The following PSMA7 variants were observed in gnomAD, a reference collection of about 807,000 sequenced individuals.
PSMA7 encodes the protein proteasome subunit alpha type-7.
Under a neutral mutation model 31.3 loss-of-function variants are expected in PSMA7, and 5 were observed. The observed-to-expected ratio is 0.16, with a 90% CI of 0.08 to 0.34. The LOEUF (loss-of-function observed/expected upper bound fraction) is 0.34. Among genes scored for constraint, PSMA7 ranks in the 10% least tolerant of loss-of-function variants. The pLI, the probability that PSMA7 is intolerant of heterozygous loss-of-function variation, is 1.00. For missense variants in PSMA7, 217 were observed against 327.5 expected, an observed-to-expected ratio of 0.66 and a Z score of 2.60; for synonymous variants, 155 against 121.9, an observed-to-expected ratio of 1.27 and a Z score of -1.79.
At position 62,136,800 on chromosome 20, in the gene PSMA7, G is replaced by T; in HGVS notation, c.*57C>A. 6.4e-7 allele frequency: 1 copy of T among 1,556,846 alleles called. No homozygotes were observed. Among genetic ancestry groups the T allele is most frequent in the South Asian group, 1.2e-5 (1 of 83,414 alleles). The stretch of plus-strand genomic sequence containing the variant: ...AATGGAATGGAAAGGCCTACACATC[G>T]AGACTCATCCATGATTGATATGAAT... On this transcript the variant is annotated 3_prime_UTR_variant, in exon 7 of 7. Coordinates refer to ENST00000370873, the MANE Select transcript of PSMA7 (RefSeq NM_002792.4).
intron 1 of PSMA7, among the ~76,000 whole-genome samples, chr20:62,141,431 A>T (rs2056926909): frequency 6.6e-6 from 1 of 152,218 alleles, no homozygotes; most frequent in Non-Finnish European, 1.5e-5. Context: ...TGTGGCTGGC[A>T]CCACATCCTG....
Position 62,136,958 on chromosome 20 carries a change from A to G in PSMA7, c.655-9T>C. The stretch of plus-strand genomic sequence containing the variant: ...TCTTCAGGATTTAAAATCTATAGAA[A>G]AAAACTTCATGGTTACCTAAGCCAC... On this transcript the variant is annotated splice_polypyrimidine_tract_variant and intron_variant, in intron 6 of 6. Transcript: ENST00000370873. The G allele has an allele frequency of 6.3e-7, 1 of 1,596,410 alleles. No homozygotes were observed.
Position 62,136,744 on chromosome 20 carries a change from G to A in PSMA7, c.*113C>T. 24 of 1,409,828 alleles carry A rather than the reference G, an allele frequency of 1.7e-5. 1 individual carries two copies. The South Asian group carries it at 3.3e-4, about 20-fold the overall frequency. The allele number at this position is 1,409,828 out of a possible 1,614,324, so 87.3% of individuals were successfully genotyped here. Reference sequence around the variant, plus strand: ...AAAAAAAAAACAGGTTAAAAATACGGAAGTTTATTGTAGGACACTCAGTGT... The same window carrying A: ...AAAAAAAAAACAGGTTAAAAATACGAAAGTTTATTGTAGGACACTCAGTGT... On this transcript the variant is annotated 3_prime_UTR_variant, in exon 7 of 7. Coordinates refer to ENST00000370873, the MANE Select transcript of PSMA7 (RefSeq NM_002792.4).
intron 1 of PSMA7, among the ~76,000 whole-genome samples, chr20:62,142,855 G>A (rs1568728288): frequency 6.6e-6 from 1 of 151,580 alleles, no homozygotes; most frequent in South Asian, 2.1e-4. Flanking sequence ...GCCCTCGCCC[G>A]GCCTCTGCTC....
In PSMA7 at chr20:62,136,860, T is replaced by G; in HGVS notation, c.744A>C (p.Ser248=). The change falls in exon 7 of 7, where the codon TCA becomes TCC. Residue 248 remains serine, a synonymous_variant. Coordinates refer to ENST00000370873, the MANE Select transcript of PSMA7 (RefSeq NM_002792.4). ...ACAAGCAAAGACATTTTATTCATCATGATGCTTTCTTTTGTTTCTTCTTTT... is the reference window on the plus strand; with the variant it reads ...ACAAGCAAAGACATTTTATTCATCAGGATGCTTTCTTTTGTTTCTTCTTTT... ...ENEKKKQKKA[S] 1 of 1,598,226 alleles carries G rather than the reference T, an allele frequency of 6.3e-7. No individual in the cohort carries two copies. The highest frequency in any genetic ancestry group is 8.5e-7 in the Non-Finnish European group (1 of 1,175,028).
At chr20:62,140,785 G>C (rs1287247348) in intron 2 of PSMA7, 33 bp downstream of exon 2, 4 of 1,611,144 alleles carry the variant, frequency 2.5e-6, no homozygotes, top group South Asian at 1.1e-5. Flanking sequence ...TGAGACTCTA[G>C]AGAGTAAGAC....
At chr20:62,137,511 G>A in intron 5 of PSMA7, 85 bp from the exon 6 acceptor site, 2 of 1,304,484 alleles carry the variant, frequency 1.5e-6, no homozygotes, top group Non-Finnish European at 1.1e-6. Context: ...AAATAGGTGT[G>A]TACCCAAACC....
intron 4 of PSMA7, among the ~76,000 whole-genome samples, chr20:62,138,537 G>A (rs941672060): frequency 4.7e-5 from 7 of 149,752 alleles, no homozygotes; most frequent in Admixed American, 4.0e-4. Context: ...GCGCTATCAA[G>A]AGGCAATGGG....
intron 1 of PSMA7, among the ~76,000 whole-genome samples, chr20:62,141,200 G>A (rs1229298362): frequency 2.0e-5 from 3 of 152,230 alleles, no homozygotes; most frequent in Non-Finnish European, 2.9e-5. Flanking sequence ...CTGGAAGGTG[G>A]AGGCTGCAGT....
At chr20:62,139,268 T>G (rs533259103) in intron 3 of PSMA7, 71 bp from the exon 4 acceptor site, 2 of 1,555,356 alleles carry the variant, frequency 1.3e-6, no homozygotes, top group South Asian at 2.3e-5. Context: ...CCGTACTTAG[T>G]GAAGATACGA....
chr20:62,139,345 G>A (rs2056913623), intron 3 of PSMA7, 148 bp from the exon 4 acceptor site: 9 of 1,004,448 alleles, frequency 9.0e-6, no homozygotes, highest in Non-Finnish European at 1.3e-5. Context: ...TTAGCCAATA[G>A]CTTTCAACAT....
intron 1 of PSMA7, among the ~76,000 whole-genome samples, chr20:62,141,860 T>A (rs567274061): frequency 2.6e-5 from 4 of 152,328 alleles, no homozygotes; most frequent in African/African-American, 9.6e-5. Context: ...TCACTGACAG[T>A]CAACCCGAGT....
chr20:62,138,316 G>A (rs749191043), intron 4 of PSMA7, 26 bp from the exon 5 acceptor site: 48 of 1,577,292 alleles, frequency 3.0e-5, no homozygotes, highest in Non-Finnish European at 3.7e-5. Context: ...ATGTTCTCAC[G>A]TGGCATAGGG....
chr20:62,139,933 TAGAGAG>T (rs1280932239), intron 2 of PSMA7, 28 bp from the exon 3 acceptor site: 2 of 1,608,328 alleles, frequency 1.2e-6, no homozygotes, highest in East Asian at 4.5e-5. Flanking sequence ...AGGCTTCTGC[TAGAGAG>T]ACAGCACAAA....
intron 1 of PSMA7, 143 bp downstream of exon 1, chr20:62,143,065 A>G: frequency 3.6e-6 from 1 of 274,514 alleles, no homozygotes; most frequent in Non-Finnish European, 5.6e-6. Context: ...GCCCGCGCTC[A>G]GCTACAGCCC....
rs2056918042 is a variant in PSMA7 at position 62,140,017 on chromosome 20, A to G, written c.224-112T>C. The G allele has an allele frequency of 1.2e-5, 17 of 1,377,828 alleles. No homozygotes were observed. In the South Asian group the frequency reaches 2.1e-4, roughly 17 times the overall value. The allele number at this position is 1,377,828 out of a possible 1,614,324, so 85.4% of individuals were successfully genotyped here. ...CCACAGACCCCCCAAACCGGCAGCA[A>G]GGCTATTCTAACTGACTGGCAGCGG... On this transcript the variant is annotated intron_variant, in intron 2 of 6. Coordinates refer to ENST00000370873, the MANE Select transcript of PSMA7 (RefSeq NM_002792.4).
Position 62,139,376 on chromosome 20 carries a change from C to G in PSMA7, c.349-179G>C, listed in dbSNP as rs2296089. ...AACATCCTTTTCTGCATTTTCACTC[C>G]TAGAAAAACTCACCTAGGACCAGAA... On this transcript the variant is annotated intron_variant, in intron 3 of 6. Transcript: ENST00000370873. 156 of 834,490 alleles carry G rather than the reference C, an allele frequency of 1.9e-4. No individual in the cohort carries two copies. The East Asian group carries it at 4.1e-3, about 22-fold the overall frequency. The allele number at this position is 834,490 out of a possible 1,614,324, so 51.7% of individuals were successfully genotyped here.
intron 4 of PSMA7, 124 bp downstream of exon 4, chr20:62,138,951 G>C: frequency 7.8e-7 from 1 of 1,275,036 alleles, no homozygotes; most frequent in Admixed American, 2.2e-5. Context: ...GCTCTCATAG[G>C]ACTAGGTTAA....
In PSMA7 at chr20:62,137,656, C is replaced by T. The variant is rs547443236; in HGVS notation, c.592-230G>A. ...CCAGCACTGGGACTCCTCTCTCCTGCACAGTAGCGCTGCTCCAGGCCCTCC... is the reference window on the plus strand; with the variant it reads ...CCAGCACTGGGACTCCTCTCTCCTGTACAGTAGCGCTGCTCCAGGCCCTCC... On this transcript the variant is annotated intron_variant, in intron 5 of 6. Coordinates refer to ENST00000370873, the MANE Select transcript of PSMA7 (RefSeq NM_002792.4). Among the ~76,000 whole-genome samples the T allele has an allele frequency of 7.9e-5, 12 of 152,334 alleles. No individual in the cohort carries two copies. In the South Asian group the frequency reaches 2.5e-3, roughly 32 times the overall value.
Sources: allele counts gnomAD v4.1 joint callset (sites outside exome capture counted in the v4.1 genomes callset), GRCh38; gene constraint gnomAD v4.1.1; transcripts MANE v1.5; gene names NCBI Gene and HGNC (gene_info 2026-07-23, HGNC 2026-07-21).